The following PHKB variants were observed in gnomAD, a reference collection of about 807,000 sequenced individuals.
The protein encoded by PHKB is phosphorylase kinase regulatory subunit beta, also known as phosphorylase b kinase regulatory subunit beta.
PHKB carries 122 observed loss-of-function variants against 152.1 expected under a neutral mutation model. The ratio of observed to expected loss-of-function variants is 0.80; its 90% CI spans 0.69 to 0.93. PHKB has a LOEUF of 0.93. Among genes scored for constraint, PHKB ranks in the 40% least tolerant of loss-of-function variants. PHKB has a pLI of 0.00. For synonymous variants in PHKB, 436 were observed against 464.9 expected (o/e 0.94, Z 0.80); for missense variants, 1,304 against 1,328.4 (o/e 0.98, Z 0.29).
At chr16:47,691,891 C>T (rs888628590) in intron 27 of PHKB, among the ~76,000 whole-genome samples, 1 of 152,154 alleles carries the variant, frequency 6.6e-6, no homozygotes, top group African/African-American at 2.4e-5. Context: ...TGTTGTCCTA[C>T]GAAGTATCTC....
chr16:47,648,731 T>C (rs1173061002), intron 17 of PHKB, 115 bp downstream of exon 17: 3 of 748,796 alleles, frequency 4.0e-6, no homozygotes, highest in Non-Finnish European at 7.4e-6. Flanking sequence ...AGACTACTTA[T>C]CTGAAGTATT....
chr16:47,496,216 A>G (rs1031170653), intron 1 of PHKB, among the ~76,000 whole-genome samples: 1 of 151,738 alleles, frequency 6.6e-6, no homozygotes, highest in Non-Finnish European at 1.5e-5. Context: ...CCAGAGATGG[A>G]TTAATTGTGA....
At chr16:47,504,018 A>G (rs1970369619) in intron 4 of PHKB, among the ~76,000 whole-genome samples, 1 of 152,150 alleles carries the variant, frequency 6.6e-6, no homozygotes. Context: ...ATCAATGCAT[A>G]TGGGTCCCTA....
At position 47,610,913 on chromosome 16, in the gene PHKB, C is replaced by T. The variant is rs754996242; in HGVS notation, c.1451C>T (p.Ser484Phe). The T allele has an allele frequency of 6.4e-7, 1 of 1,551,616 alleles. No homozygotes were observed. Reference protein sequence around the residue: ...KDQRNVSMRFSNQGPLENDLV... With the variant: ...KDQRNVSMRFFNQGPLENDLV... Reference sequence around the variant, plus strand: ...CAACGTAACGTGAGCATGAGGTTTTCCAATCAGGTAAAGAATTATTCTATT... The same window carrying T: ...CAACGTAACGTGAGCATGAGGTTTTTCAATCAGGTAAAGAATTATTCTATT... Residue 484 changes from serine to phenylalanine, a missense_variant, in exon 14 of 31, where the codon TCC becomes TTC. Transcript: ENST00000323584.
At chr16:47,630,312 T>C (rs1567334162) in intron 14 of PHKB, among the ~76,000 whole-genome samples, 1 of 152,006 alleles carries the variant, frequency 6.6e-6, no homozygotes. Context: ...TGAAACCTTG[T>C]CTCTACTAAA....
Position 47,699,945 on chromosome 16 carries a change from G to T in PHKB, c.*579G>T, listed in dbSNP as rs927765944. Reference sequence around the variant, plus strand: ...ACATTGTAAACATGACTGTGGTTTTGTATTTGCTAAATATAGGGGTTGGAC... The same window carrying T: ...ACATTGTAAACATGACTGTGGTTTTTTATTTGCTAAATATAGGGGTTGGAC... On this transcript the variant is annotated 3_prime_UTR_variant, in exon 31 of 31. Coordinates refer to ENST00000323584, the MANE Select transcript of PHKB (RefSeq NM_000293.3). 2 of 159,706 alleles carry T rather than the reference G, an allele frequency of 1.3e-5. No individual in the cohort carries two copies. Among genetic ancestry groups the T allele is most frequent in the African/African-American group, 2.4e-5 (1 of 41,472 alleles). 9.9% of individuals were successfully genotyped at this position (159,706 alleles called of 1,614,324 possible).
At chr16:47,597,737 G>A (rs1972148082) in intron 13 of PHKB, 2 of 124,336 alleles carry the variant, frequency 1.6e-5, no homozygotes. Context: ...TGACTAAGAT[G>A]TTTTGAATAT....
At chr16:47,499,319 G>A (rs1056548402) in intron 2 of PHKB, among the ~76,000 whole-genome samples, 1 of 152,188 alleles carries the variant, frequency 6.6e-6, no homozygotes, top group African/African-American at 2.4e-5. Flanking sequence ...TACTGTAGCA[G>A]TTGAGGTGGC....
At chr16:47,537,108 G>A (rs1003035337) in intron 6 of PHKB, among the ~76,000 whole-genome samples, 5 of 152,206 alleles carry the variant, frequency 3.3e-5, no homozygotes, top group African/African-American at 7.2e-5. Context: ...CAGAATTCAC[G>A]AAACTTTTTT....
intron 6 of PHKB, among the ~76,000 whole-genome samples, chr16:47,526,513 T>G (rs1286660318): frequency 1.3e-5 from 2 of 152,096 alleles, no homozygotes; most frequent in Non-Finnish European, 2.9e-5. Flanking sequence ...TATAGCTGGT[T>G]TCCTTCCCAA....
At chr16:47,468,277 A>C (rs1436437567) in intron 1 of PHKB, among the ~76,000 whole-genome samples, 3 of 152,200 alleles carry the variant, frequency 2.0e-5, no homozygotes, top group Non-Finnish European at 4.4e-5. Context: ...TTCTCTGTCA[A>C]GCAGTGAGAT....
Position 47,515,604 on chromosome 16 carries a change from A to G in PHKB, c.594+3A>G, listed in dbSNP as rs1042121104. On this transcript the variant is annotated splice_donor_region_variant and intron_variant, in intron 6 of 30. Coordinates refer to ENST00000323584, the MANE Select transcript of PHKB (RefSeq NM_000293.3). ...AGATTATCTACAACACTGATGAGGTATGCTTTCCCCAAATTTTCTATTACT... is the reference window on the plus strand; with the variant it reads ...AGATTATCTACAACACTGATGAGGTGTGCTTTCCCCAAATTTTCTATTACT... The G allele has an allele frequency of 1.6e-6, 2 of 1,259,772 alleles. No homozygotes were observed. The highest frequency in any genetic ancestry group is 4.6e-5 in the East Asian group (2 of 43,138). The allele number at this position is 1,259,772 out of a possible 1,614,324, so 78.0% of individuals were successfully genotyped here.
At chr16:47,532,217 T>A (rs188608487) in intron 6 of PHKB, among the ~76,000 whole-genome samples, 1 of 152,340 alleles carries the variant, frequency 6.6e-6, no homozygotes, top group East Asian at 1.9e-4. Flanking sequence ...GCATTGATAA[T>A]TCTCTGCCCT....
chr16:47,549,233 A>C (rs1175156074), intron 7 of PHKB, among the ~76,000 whole-genome samples: 2 of 152,230 alleles, frequency 1.3e-5, no homozygotes, highest in Non-Finnish European at 2.9e-5. Context: ...CTCAAATTAT[A>C]AGAAATTTGA....
At chr16:47,572,165 GT>G (rs1971671903) in intron 7 of PHKB, among the ~76,000 whole-genome samples, 1 of 152,226 alleles carries the variant, frequency 6.6e-6, no homozygotes, top group Admixed American at 6.5e-5. Flanking sequence ...GGGACTTTGT[GT>G]GAGCAAGGAC....
intron 20 of PHKB, among the ~76,000 whole-genome samples, chr16:47,651,696 T>A (rs1437476180): frequency 6.6e-6 from 1 of 152,174 alleles, no homozygotes; most frequent in East Asian, 1.9e-4. Context: ...GTCTTTCACA[T>A]AGTAGGTGCT....
intron 20 of PHKB, among the ~76,000 whole-genome samples, chr16:47,658,808 C>CTGTG (rs1567344658): frequency 3.4e-4 from 31 of 91,494 alleles, no homozygotes; most frequent in African/African-American, 1.2e-3. Context: ...CAATGCATGA[C>CTGTG]AGTGTGTGTG....
chr16:47,670,681 G>A (rs772694790), intron 26 of PHKB, among the ~76,000 whole-genome samples: 10 of 151,936 alleles, frequency 6.6e-5, no homozygotes, highest in African/African-American at 9.7e-5. Flanking sequence ...GTAGAGACAC[G>A]GTTTCACCAT....
chr16:47,592,832 A>G (rs541223845), intron 10 of PHKB, among the ~76,000 whole-genome samples: 1 of 152,354 alleles, frequency 6.6e-6, no homozygotes, highest in African/African-American at 2.4e-5. Flanking sequence ...TTTGAATAAT[A>G]AGATCTGAGG....
Sources: allele counts gnomAD v4.1 joint callset (sites outside exome capture counted in the v4.1 genomes callset), GRCh38; gene constraint gnomAD v4.1.1; transcripts MANE v1.5; gene names NCBI Gene and HGNC (gene_info 2026-07-23, HGNC 2026-07-21).